KIAA1217: variants seen among roughly 807,000 people sequenced by gnomAD.
KIAA1217 encodes KIAA1217, also known as sickle tail protein homolog.
Under a neutral mutation model 163.9 loss-of-function variants are expected in KIAA1217, and 88 were observed. That is an observed-to-expected ratio of 0.54 (90% confidence interval 0.45 to 0.64). The LOEUF is 0.64. Ranked by LOEUF, KIAA1217 falls within the 30% of genes least tolerant of loss-of-function variation. The pLI is 0.00. For synonymous variants in KIAA1217, 903 were observed against 923.1 expected, an observed-to-expected ratio of 0.98 and a Z score of 0.39; for missense variants, 2,372 against 2,475.0, an observed-to-expected ratio of 0.96 and a Z score of 0.88.
intron 2 of KIAA1217, among the ~76,000 whole-genome samples, chr10:24,304,610 A>G (rs893686126): frequency 6.6e-6 from 1 of 152,124 alleles, no homozygotes; most frequent in Non-Finnish European, 1.5e-5. Context: ...CTGAGATTAC[A>G]GGCATGAGCC....
intron 2 of KIAA1217, among the ~76,000 whole-genome samples, chr10:24,058,837 G>A (rs2060616943): frequency 6.6e-6 from 1 of 152,138 alleles, no homozygotes; most frequent in South Asian, 2.1e-4. Flanking sequence ...TGCAGAGGAG[G>A]ATAACTTTAC....
intron 6 of KIAA1217, among the ~76,000 whole-genome samples, chr10:24,492,009 T>C (rs949322136): frequency 4.6e-5 from 7 of 152,124 alleles, no homozygotes; most frequent in African/African-American, 1.7e-4. Context: ...CATCTCAAGG[T>C]AGCCCTGAAT....
At chr10:24,038,773 A>G (rs1235938266) in intron 2 of KIAA1217, among the ~76,000 whole-genome samples, 58 of 133,700 alleles carry the variant, frequency 4.3e-4, no homozygotes, top group African/African-American at 1.5e-3. Context: ...TTTTTTTGAG[A>G]CACAGTCTCA....
chr10:24,191,552 A>AT (rs2066719259), intron 2 of KIAA1217, among the ~76,000 whole-genome samples: 1 of 148,328 alleles, frequency 6.7e-6, no homozygotes, highest in South Asian at 2.2e-4. Flanking sequence ...TGTACCCACA[A>AT]ATATATATAT....
At position 24,141,235 on chromosome 10, in the gene KIAA1217, C is replaced by CT. The variant is rs1554882547; in HGVS notation, c.-170-78391_-170-78390insT. The stretch of plus-strand genomic sequence containing the variant: ...TCAGAGAAAGAATAAACCCCCCCCC[C>CT]CCATTTCTCTCTTCTTTCCTTTTCT... On this transcript the variant is annotated intron_variant, in intron 2 of 18. Transcript: ENST00000376462. 7.4e-5 allele frequency among the ~76,000 whole-genome samples: 10 copies of CT among 135,348 alleles called. 1 individual carries two copies. Among genetic ancestry groups the CT allele is most frequent in the African/African-American group, 2.4e-4 (9 of 37,670 alleles). The allele number at this position is 135,348 out of a possible 152,430, so 88.8% of individuals were successfully genotyped here.
intron 2 of KIAA1217, among the ~76,000 whole-genome samples, chr10:24,150,803 G>C (rs2064575503): frequency 6.6e-6 from 1 of 152,130 alleles, no homozygotes; most frequent in African/African-American, 2.4e-5. Context: ...TGAATTATCT[G>C]ATAGAGCTGA....
chr10:23,696,135 C>T (rs560126602), intron 1 of KIAA1217, among the ~76,000 whole-genome samples: 1 of 152,350 alleles, frequency 6.6e-6, no homozygotes, highest in Admixed American at 6.5e-5. Flanking sequence ...CTTTTGGGCT[C>T]TCTCCTTCCT....
intron 2 of KIAA1217, among the ~76,000 whole-genome samples, chr10:24,191,705 GT>G (rs1489468139): frequency 6.6e-6 from 1 of 152,206 alleles, no homozygotes; most frequent in African/African-American, 2.4e-5. Flanking sequence ...CAGCTTCATG[GT>G]TGAGGCATGT....
At chr10:23,940,039 TAA>T (rs1655766870) in intron 1 of KIAA1217, among the ~76,000 whole-genome samples, 2 of 151,778 alleles carry the variant, frequency 1.3e-5, no homozygotes, top group African/African-American at 4.8e-5. Flanking sequence ...TCACTAAGTA[TAA>T]GAGGTTTATT....
At chr10:23,881,526 A>G (rs1840948399) in intron 1 of KIAA1217, among the ~76,000 whole-genome samples, 1 of 151,974 alleles carries the variant, frequency 6.6e-6, no homozygotes, top group South Asian at 2.1e-4. Context: ...TAATTGTGCT[A>G]AATTGCTGAA....
chr10:24,426,177 G>A (rs965877683), intron 3 of KIAA1217, among the ~76,000 whole-genome samples: 2 of 152,182 alleles, frequency 1.3e-5, no homozygotes, highest in African/African-American at 2.4e-5. Context: ...CAAAAGGCAA[G>A]CATACATCAT....
At chr10:24,235,457 A>C (rs2072101993) in intron 2 of KIAA1217, among the ~76,000 whole-genome samples, 1 of 152,228 alleles carries the variant, frequency 6.6e-6, no homozygotes, top group Non-Finnish European at 1.5e-5. Context: ...TCTTTTGGTG[A>C]TACTTGTAGT....
Position 24,521,782 on chromosome 10 carries a change from G to A in KIAA1217, c.2309G>A (p.Gly770Glu). 6.2e-7 allele frequency: 1 copy of A among 1,610,796 alleles called. No homozygotes were observed. Among genetic ancestry groups the A allele is most frequent in the Non-Finnish European group, 8.5e-7 (1 of 1,178,754 alleles). Residue 770 changes from glycine to glutamate, a missense_variant and splice_region_variant, in exon 12 of 21, where the codon GGA becomes GAA. This residue lies in a region of KIAA1217 where 1,431 missense variants were observed against 1,470.3 expected (regional missense o/e 0.97). Transcript: ENST00000376454. ...TTCACCTGCTGGTTTGGGCCTGCAG[G>A]AGAATTTCCAACCTTACAAAACAAG... ...QVGEAVATLK[G>E]EFPTLQNKMR...
At chr10:23,839,459 AG>A (rs1452195186) in intron 1 of KIAA1217, among the ~76,000 whole-genome samples, 1 of 152,146 alleles carries the variant, frequency 6.6e-6, no homozygotes, top group African/African-American at 2.4e-5. Context: ...ATACAGGGCA[AG>A]CGAAATCTCC....
intron 2 of KIAA1217, among the ~76,000 whole-genome samples, chr10:24,336,262 C>G (rs2046348717): frequency 6.6e-6 from 1 of 152,052 alleles, no homozygotes; most frequent in East Asian, 1.9e-4. Context: ...AATTACTTAC[C>G]TAATTAATTT....
chr10:24,471,886 C>CAA lies in KIAA1217; in HGVS notation c.847-1319_847-1318dup, dbSNP rs749624402. 4.7e-3 allele frequency among the ~76,000 whole-genome samples: 218 copies of CAA among 46,190 alleles called. 3 individuals are homozygous for CAA. Among genetic ancestry groups the CAA allele is most frequent in the Middle Eastern group, 0.018 (2 of 112 alleles). The allele number at this position is 46,190 out of a possible 152,430, so 30.3% of individuals were successfully genotyped here. A position where few individuals can be genotyped will look rare whatever the true frequency, so the allele number is the denominator to read the frequency against. ...TGGGAGACAGAGCAAGACTCCATCT[C>CAA]AAAAAAAAAAAAAAAAAAAAAAAAT... is the stretch of plus-strand genomic sequence containing the variant. On this transcript the variant is annotated intron_variant, in intron 5 of 20. Transcript: ENST00000376454.
intron 13 of KIAA1217, among the ~76,000 whole-genome samples, chr10:24,527,207 C>A (rs1232145831): frequency 6.6e-6 from 1 of 151,882 alleles, no homozygotes; most frequent in African/African-American, 2.4e-5. Flanking sequence ...TATAGCAATT[C>A]TTTGATAGAA....
At chr10:24,303,067 G>A (rs1000389672) in intron 2 of KIAA1217, among the ~76,000 whole-genome samples, 1 of 152,136 alleles carries the variant, frequency 6.6e-6, no homozygotes, top group African/African-American at 2.4e-5. Flanking sequence ...AGGCTGGAGT[G>A]CAGTGGCTCA....
intron 1 of KIAA1217, among the ~76,000 whole-genome samples, chr10:23,894,025 C>A (rs1841552101): frequency 6.6e-6 from 1 of 151,950 alleles, no homozygotes; most frequent in South Asian, 2.1e-4. Flanking sequence ...AAACCCACAG[C>A]CAATATCATA....
Sources: allele counts gnomAD v4.1 joint callset (sites outside exome capture counted in the v4.1 genomes callset), GRCh38; gene constraint gnomAD v4.1.1; regional missense constraint gnomAD v4.1.1; transcripts MANE v1.5; gene names NCBI Gene and HGNC (gene_info 2026-07-23, HGNC 2026-07-21).